The following SBNO2 variants were observed in gnomAD, a reference collection of about 807,000 sequenced individuals.
SBNO2 encodes strawberry notch homolog 2.
A neutral mutation model predicts 146.3 loss-of-function variants in SBNO2; 89 were observed. That is an observed-to-expected ratio of 0.61 (90% CI 0.51 to 0.73). SBNO2 has a LOEUF of 0.73. Among genes scored for constraint, SBNO2 ranks in the 30% least tolerant of loss-of-function variants. The probability of loss-of-function intolerance (pLI) is 0.00; values close to 1 mark genes in which losing one functional copy is unlikely to be tolerated. For missense variants in SBNO2, 2,092 were observed against 2,003.7 expected, an observed-to-expected ratio of 1.04 and a Z score of -0.84; for synonymous variants, 1,147 against 892.6, an observed-to-expected ratio of 1.29 and a Z score of -5.08.
rs559953905 is a variant in SBNO2, at chr19:1,108,740, G to A, written c.3617-36C>T. The stretch of plus-strand genomic sequence containing the variant: ...AGCGTCGGGGTCAGGGCCGGCGCTG[G>A]GGGCTCGGGCCTTCCCGGGGCGCCC... On this transcript the variant is annotated intron_variant, in intron 31 of 31. Transcript: ENST00000361757. 12 of 1,585,798 alleles carry A rather than the reference G, an allele frequency of 7.6e-6. No individual in the cohort carries two copies. In the African/African-American group the frequency reaches 1.2e-4, roughly 16 times the overall value.
At chr19:1,167,003 G>A (rs1235793392) in intron 1 of SBNO2, among the ~76,000 whole-genome samples, 2 of 152,314 alleles carry the variant, frequency 1.3e-5, no homozygotes, top group African/African-American at 2.4e-5. Context: ...GTCCAGCCTT[G>A]GTGACAAAAA....
intron 15 of SBNO2, 146 bp downstream of exon 15, chr19:1,117,177 G>A: frequency 1.1e-6 from 1 of 877,074 alleles, no homozygotes; most frequent in Non-Finnish European, 1.7e-6. Flanking sequence ...GCTCTGATTG[G>A]AAGACGGACA....
rs1260448196 is a variant in SBNO2, at chr19:1,150,276, G to GGGGCAGCAGCGGGCCCAA, written c.94-852_94-835dup. Reference sequence around the variant, plus strand: ...CAAAACCTGAGGATGGGGAGCACACGGGGCAGCAGCGGGCCCAAGGGCGGC... The same window carrying GGGGCAGCAGCGGGCCCAA: ...CAAAACCTGAGGATGGGGAGCACACGGGGCAGCAGCGGGCCCAAGGGCAGCAGCGGGCCCAAGGGCGGC... On this transcript the variant is annotated intron_variant, in intron 2 of 31. Transcript: ENST00000361757. This position sits in a 1 kb window ranked among gnomAD's most constrained non-coding sequence, Gnocchi z 6.2. Among the ~76,000 whole-genome samples, 1 of 152,248 alleles carries GGGGCAGCAGCGGGCCCAA rather than the reference G, an allele frequency of 6.6e-6. No homozygotes were observed. The highest frequency in any genetic ancestry group is 3.4e-3 in the Middle Eastern group (1 of 294).
Position 1,122,938 on chromosome 19 carries a change from C to A in SBNO2, c.736G>T (p.Ala246Ser), listed in dbSNP as rs200890802. 5 of 1,558,188 alleles carry A rather than the reference C, an allele frequency of 3.2e-6. No individual in the cohort carries two copies. The African/African-American group carries it at 4.1e-5, about 13-fold the overall frequency. The change falls in exon 8 of 32, where the codon GCC (alanine) becomes TCC (serine). Residue 246 changes from alanine to serine, a missense_variant. Coordinates refer to ENST00000361757, the MANE Select transcript of SBNO2 (RefSeq NM_014963.3). ...YTLALPSDSG[A>S]LSALQLEAIT... ...GCCTCTAGCTGCAGGGCAGACAGGGCCCCGCTGTCCGAGGGCAGGGCCAGG... is the reference window on the plus strand; with the variant it reads ...GCCTCTAGCTGCAGGGCAGACAGGGACCCGCTGTCCGAGGGCAGGGCCAGG...
In SBNO2 at chr19:1,147,357, G is replaced by A. The variant is rs369757756; in HGVS notation, c.231C>T (p.Pro77=). 78 of 1,570,164 alleles carry A rather than the reference G, an allele frequency of 5.0e-5. No individual in the cohort carries two copies. The African/African-American group carries it at 8.6e-4, about 17-fold the overall frequency. ...GTGGCAAGCTGGAGGCGGTGGCCAC[G>A]GGGGCATAGCTGGTGTCTGGGCAGG... ...SQPCPDTSYA[P]VATASSLPPK... Residue 77 remains proline, a synonymous_variant, in exon 4 of 32, where the codon CCC becomes CCT. Coordinates refer to ENST00000361757, the MANE Select transcript of SBNO2 (RefSeq NM_014963.3).
At position 1,154,793 on chromosome 19, in the gene SBNO2, C is replaced by G. The variant is rs188003371; in HGVS notation, c.-126-391G>C. Among the ~76,000 whole-genome samples, 911 of 152,258 alleles carry G rather than the reference C, an allele frequency of 6.0e-3. 16 individuals are homozygous for G. Among genetic ancestry groups the G allele is most frequent in the African/African-American group, 0.021 (868 of 41,556 alleles). On this transcript the variant is annotated intron_variant, in intron 1 of 31. Transcript: ENST00000361757. Reference sequence around the variant, plus strand: ...GAGACTGTGGAGGGAGAGTCCAACCCGGGCCCGGCACCCAGGGGAGCCCAG... The same window carrying G: ...GAGACTGTGGAGGGAGAGTCCAACCGGGGCCCGGCACCCAGGGGAGCCCAG...
intron 4 of SBNO2, among the ~76,000 whole-genome samples, chr19:1,133,571 C>G (rs1165797383): frequency 2.0e-5 from 3 of 152,250 alleles, no homozygotes; most frequent in African/African-American, 4.8e-5. Flanking sequence ...TTGCCACGAC[C>G]CATCACCTCC....
intron 11 of SBNO2, among the ~76,000 whole-genome samples, chr19:1,120,568 C>T (rs1599837537): frequency 6.6e-6 from 1 of 152,078 alleles, no homozygotes; most frequent in Non-Finnish European, 1.5e-5. Flanking sequence ...CGGGGTTGGC[C>T]GTTTGGTTGG....
chr19:1,111,853 G>A, intron 23 of SBNO2, 143 bp downstream of exon 23: 1 of 875,398 alleles, frequency 1.1e-6, no homozygotes, highest in Non-Finnish European at 1.7e-6. Flanking sequence ...TCCCCCCTGG[G>A]GGTCCTAGAC....
chr19:1,146,967 C>T (rs1245295629), intron 4 of SBNO2, among the ~76,000 whole-genome samples: 1 of 152,122 alleles, frequency 6.6e-6, no homozygotes, highest in East Asian at 1.9e-4. Context: ...GTGTCTGGAC[C>T]CGCCTAGAGG....
At chr19:1,138,366 G>A (rs375648520) in intron 4 of SBNO2, among the ~76,000 whole-genome samples, 21 of 151,868 alleles carry the variant, frequency 1.4e-4, no homozygotes, top group African/African-American at 4.8e-4. Flanking sequence ...CACAGAGGGT[G>A]GGCTGCAGCA....
Position 1,110,316 on chromosome 19 carries a change from G to A in SBNO2, c.3028+429C>T, listed in dbSNP as rs112986507. 7.9e-5 allele frequency among the ~76,000 whole-genome samples: 12 copies of A among 152,214 alleles called. No individual in the cohort carries two copies. Among genetic ancestry groups the A allele is most frequent in the Middle Eastern group, 6.8e-3 (2 of 294 alleles). On this transcript the variant is annotated intron_variant, in intron 26 of 31. Transcript: ENST00000361757. This position sits in a 1 kb window ranked among gnomAD's most constrained non-coding sequence, Gnocchi z 4.9. ...GGAAGCACAGGCTCGCCGGCCTTTC[G>A]TTCACAACAATGTAGCAGGTGCCCC...
In SBNO2 at chr19:1,119,606, C is replaced by T. The variant is rs201064922; in HGVS notation, c.1283G>A (p.Arg428Gln). 1.9e-5 allele frequency: 31 copies of T among 1,608,890 alleles called. No homozygotes were observed. The highest frequency in any genetic ancestry group is 4.5e-5 in the East Asian group (2 of 44,686). Reference protein sequence around the residue: ...YASATGASEPRNMIYMSRLGI... With the variant: ...YASATGASEPQNMIYMSRLGI... ...CAAGCGGCTCATGTAGATCATGTTC[C>T]GAGGCTCAGAGGCACCTGTGGGGGG... Residue 428 changes from arginine (R) to glutamine (Q), a missense_variant, in exon 13 of 32, where the codon CGG becomes CAG. Coordinates refer to ENST00000361757, the MANE Select transcript of SBNO2 (RefSeq NM_014963.3).
At position 1,109,447 on chromosome 19, in the gene SBNO2, G is replaced by T; in HGVS notation, c.3217-24C>A. ...ACCTGCGGAGGGGGGCGTTGAGGCCGCGCCCCGGTCCGCCCCCCGCGGGCC... is the reference window on the plus strand; with the variant it reads ...ACCTGCGGAGGGGGGCGTTGAGGCCTCGCCCCGGTCCGCCCCCCGCGGGCC... On this transcript the variant is annotated intron_variant, in intron 28 of 31. Coordinates refer to ENST00000361757, the MANE Select transcript of SBNO2 (RefSeq NM_014963.3). The surrounding 1 kb of genome is among the most constrained non-coding windows in gnomAD (Gnocchi z 4.2). 1 of 1,563,064 alleles carries T rather than the reference G, an allele frequency of 6.4e-7. No homozygotes were observed. Among genetic ancestry groups the T allele is most frequent in the Non-Finnish European group, 8.7e-7 (1 of 1,155,016 alleles).
chr19:1,127,966 AC>A (rs1170261926), intron 4 of SBNO2, among the ~76,000 whole-genome samples: 1 of 152,076 alleles, frequency 6.6e-6, no homozygotes, highest in Non-Finnish European at 1.5e-5. Flanking sequence ...GGTGTGCGCC[AC>A]CATGCCCAGC....
intron 4 of SBNO2, among the ~76,000 whole-genome samples, chr19:1,138,203 G>A (rs1321049579): frequency 7.0e-6 from 1 of 142,680 alleles, no homozygotes; most frequent in African/African-American, 2.6e-5. Context: ...GGGGAGGCTC[G>A]GGCTGGGGTG....
chr19:1,122,606 C>A (rs918449753), intron 9 of SBNO2, 48 bp from the exon 10 acceptor site: 45 of 1,463,128 alleles, frequency 3.1e-5, no homozygotes, highest in Non-Finnish European at 3.7e-5. Context: ...CCTCGCCCCC[C>A]GCTTCCGCCC....
At chr19:1,138,542 G>A (rs552367802) in intron 4 of SBNO2, among the ~76,000 whole-genome samples, 2 of 152,166 alleles carry the variant, frequency 1.3e-5, no homozygotes, top group African/African-American at 4.8e-5. Context: ...AAACGAAAAC[G>A]TGTCCACTGG....
chr19:1,159,686 TG>T (rs927479034), intron 1 of SBNO2, among the ~76,000 whole-genome samples: 6 of 42,848 alleles, frequency 1.4e-4, no homozygotes, highest in Non-Finnish European at 2.4e-4. Flanking sequence ...TGGGGGATAG[TG>T]GGGGGGCAGC....
Sources: gnomAD v4.1 joint callset for allele counts (sites outside exome capture counted in the v4.1 genomes callset) on GRCh38, gnomAD v4.1.1 for gene constraint, Gnocchi (gnomAD v3.1) non-coding constraint, MANE v1.5 for transcripts, NCBI Gene and HGNC (gene_info 2026-07-23, HGNC 2026-07-21) for gene names.